Variants in TRDN observed in about 807,000 individuals in gnomAD.
TRDN encodes triadin.
In TRDN, 161 loss-of-function variants were observed where a neutral mutation model predicts 149.7. The ratio of observed to expected loss-of-function variants is 1.08; its 90% CI spans 0.95 to 1.23. The LOEUF (loss-of-function observed/expected upper bound fraction) is 1.23. Ranked by LOEUF, TRDN falls within the 50% of genes most tolerant of loss-of-function variation. The pLI, the probability that TRDN is intolerant of heterozygous loss-of-function variation, is 0.00. For missense variants in TRDN, 896 were observed against 823.5 expected (o/e 1.09, Z -1.08); for synonymous variants, 294 against 250.5 (o/e 1.17, Z -1.64).
At chr6:123,406,127 A>G (rs1373104667) in intron 12 of TRDN, among the ~76,000 whole-genome samples, 1 of 152,204 alleles carries the variant, frequency 6.6e-6, no homozygotes, top group Non-Finnish European at 1.5e-5. Flanking sequence ...AGTCAGAAAC[A>G]TTTTTAAGCC....
intron 12 of TRDN, among the ~76,000 whole-genome samples, chr6:123,420,205 T>G (rs1773838377): frequency 6.6e-6 from 1 of 152,220 alleles, no homozygotes; most frequent in Non-Finnish European, 1.5e-5. Flanking sequence ...TTGCTATTTT[T>G]GGATAGAAAT....
At chr6:123,398,928 A>C (rs760528937) in intron 12 of TRDN, among the ~76,000 whole-genome samples, 1 of 152,212 alleles carries the variant, frequency 6.6e-6, no homozygotes, top group Admixed American at 6.5e-5. Flanking sequence ...ACAATAGTTA[A>C]CATAATTTTG....
At chr6:123,386,448 A>C (rs749803045) in intron 14 of TRDN, among the ~76,000 whole-genome samples, 11 of 152,242 alleles carry the variant, frequency 7.2e-5, no homozygotes, top group Non-Finnish European at 1.3e-4. Context: ...TGAGAATATC[A>C]GATAACAGCT....
chr6:123,288,691 C>T (rs1582825793), intron 24 of TRDN, among the ~76,000 whole-genome samples: 1 of 151,970 alleles, frequency 6.6e-6, no homozygotes, highest in African/African-American at 2.4e-5. Flanking sequence ...ACACCTCACA[C>T]CTGTCTGAAT....
chr6:123,596,837 A>G (rs1489122929), intron 1 of TRDN, among the ~76,000 whole-genome samples: 2 of 152,018 alleles, frequency 1.3e-5, no homozygotes, highest in African/African-American at 2.4e-5. Flanking sequence ...AAATATATGT[A>G]TATATTTCTT....
intron 4 of TRDN, among the ~76,000 whole-genome samples, chr6:123,535,123 G>A (rs923006064): frequency 1.3e-5 from 2 of 152,068 alleles, no homozygotes; most frequent in African/African-American, 4.8e-5. Flanking sequence ...ATTCTTAAAG[G>A]TATGAGTTTC....
chr6:123,437,381 ATTTTTTTTT>A (rs565538741), intron 12 of TRDN: 941 of 186,302 alleles, frequency 5.1e-3, no homozygotes, highest in South Asian at 0.013. Context: ...TGAGATACAG[ATTTTTTTTT>A]TTTTTTTTTT....
chr6:123,438,238 C>T (rs926786028), intron 11 of TRDN, 116 bp from the exon 12 acceptor site: 14 of 729,360 alleles, frequency 1.9e-5, no homozygotes, highest in Non-Finnish European at 2.7e-5. Context: ...AATCTTAAAT[C>T]AGCCATAAGT....
At chr6:123,551,821 T>C (rs60174428) in intron 2 of TRDN, among the ~76,000 whole-genome samples, 5,541 of 152,182 alleles carry the variant, frequency 0.036, 151 homozygotes, top group African/African-American at 0.076. Context: ...TTGTGCTATA[T>C]GCTGTCAAAC....
At chr6:123,396,133 C>A (rs1772715102) in intron 12 of TRDN, among the ~76,000 whole-genome samples, 2 of 152,140 alleles carry the variant, frequency 1.3e-5, no homozygotes, top group South Asian at 4.1e-4. Context: ...ATGTACAACA[C>A]AAGAAGGCTG....
intron 5 of TRDN, among the ~76,000 whole-genome samples, chr6:123,526,781 C>T (rs1645334954): frequency 6.6e-6 from 1 of 151,828 alleles, no homozygotes; most frequent in Non-Finnish European, 1.5e-5. Flanking sequence ...CTTGGGATGA[C>T]ACATCTTATA....
chr6:123,470,707 C>T (rs1777103865), intron 9 of TRDN: 1 of 152,174 alleles, frequency 6.6e-6, no homozygotes, highest in Non-Finnish European at 1.5e-5. Context: ...AATAGTAAGC[C>T]TTTGAACTGC....
At chr6:123,570,180 C>A (rs1426875110) in intron 2 of TRDN, among the ~76,000 whole-genome samples, 1 of 152,070 alleles carries the variant, frequency 6.6e-6, no homozygotes, top group African/African-American at 2.4e-5. Context: ...TATGAGAGAA[C>A]ACATTAAAAG....
At chr6:123,427,170 T>A (rs1371205437) in intron 12 of TRDN, among the ~76,000 whole-genome samples, 1 of 151,938 alleles carries the variant, frequency 6.6e-6, no homozygotes, top group African/African-American at 2.4e-5. Context: ...TTCACAGTGA[T>A]GTTTTTTGCT....
chr6:123,333,375 G>A (rs1779734954), intron 22 of TRDN, among the ~76,000 whole-genome samples: 1 of 152,052 alleles, frequency 6.6e-6, no homozygotes, highest in Non-Finnish European at 1.5e-5. Context: ...TGATTTTAGT[G>A]GAGAGAGAAG....
intron 21 of TRDN, among the ~76,000 whole-genome samples, 165 bp from the exon 22 acceptor site, chr6:123,337,834 C>T (rs559258014): frequency 1.3e-5 from 2 of 152,130 alleles, no homozygotes; most frequent in South Asian, 4.1e-4. Context: ...AGACATTGGA[C>T]TAAATATGTA....
Position 123,547,392 on chromosome 6 carries a change from A to G in TRDN, c.392-20T>C. 2 of 1,390,666 alleles carry G rather than the reference A, an allele frequency of 1.4e-6. No homozygotes were observed. The highest frequency in any genetic ancestry group is 1.9e-6 in the Non-Finnish European group (2 of 1,049,452). The allele number at this position is 1,390,666 out of a possible 1,614,324, so 86.1% of individuals were successfully genotyped here. The stretch of plus-strand genomic sequence containing the variant: ...TTTCTCCTAGACCAAGATTAAAAGA[A>G]AAACAAAGTTAGAAAATATTTTAGC... On this transcript the variant is annotated intron_variant, in intron 3 of 40. Transcript: ENST00000334268.
chr6:123,220,756 CG>C (rs1775117945), intron 40 of TRDN, among the ~76,000 whole-genome samples: 1 of 151,702 alleles, frequency 6.6e-6, no homozygotes, highest in Non-Finnish European at 1.5e-5. Flanking sequence ...AATCAAGAGA[CG>C]TCATTTCTTC....
intron 9 of TRDN, chr6:123,471,877 C>CCTT (rs1487938268): frequency 1.3e-5 from 2 of 152,232 alleles, no homozygotes; most frequent in East Asian, 3.9e-4. Flanking sequence ...TTCCATTTAT[C>CCTT]CTTGTACCCT....
Sources: gnomAD v4.1 joint callset for allele counts (sites outside exome capture counted in the v4.1 genomes callset) on GRCh38, gnomAD v4.1.1 for gene constraint, MANE v1.5 for transcripts, NCBI Gene and HGNC (gene_info 2026-07-23, HGNC 2026-07-21) for gene names.